Variants in PAN3 observed in about 807,000 individuals in gnomAD.
The protein encoded by PAN3 is poly(A) specific ribonuclease subunit PAN3.
In PAN3, 19 loss-of-function variants were observed where a neutral mutation model predicts 96.2. The observed-to-expected ratio is 0.20, with a 90% CI of 0.14 to 0.29. PAN3 has a LOEUF of 0.29. Ranked by LOEUF, PAN3 falls within the 10% of genes least tolerant of loss-of-function variation. The probability of loss-of-function intolerance (pLI) is 1.00; values close to 1 mark genes in which losing one functional copy is unlikely to be tolerated. For synonymous variants in PAN3, 433 were observed against 406.6 expected (o/e 1.06, Z -0.78); for missense variants, 882 against 1,108.1 (o/e 0.80, Z 2.90).
intron 1 of PAN3, among the ~76,000 whole-genome samples, chr13:28,162,171 C>T (rs944591411): frequency 6.6e-6 from 1 of 152,180 alleles, no homozygotes; most frequent in Admixed American, 6.5e-5. Flanking sequence ...GAGGAAGAAA[C>T]TGAGACTTAA....
chr13:28,198,532 G>GA (rs1399788482), intron 5 of PAN3, among the ~76,000 whole-genome samples: 4 of 152,072 alleles, frequency 2.6e-5, no homozygotes, highest in Non-Finnish European at 5.9e-5. Context: ...TAATGCAAAT[G>GA]AAAATTTATG....
At position 28,267,285 on chromosome 13, in the gene PAN3, G is replaced by A; in HGVS notation, c.1691-15G>A. Reference sequence around the variant, plus strand: ...AGCCAGCTTTCAGTAATGAGTGTTTGTGTTTTATTTTAAGCTCTTGTGTTT... The same window carrying A: ...AGCCAGCTTTCAGTAATGAGTGTTTATGTTTTATTTTAAGCTCTTGTGTTT... On this transcript the variant is annotated splice_polypyrimidine_tract_variant and intron_variant, in intron 11 of 18. Coordinates refer to ENST00000380958, the MANE Select transcript of PAN3 (RefSeq NM_175854.8). The A allele has an allele frequency of 5.0e-6, 8 of 1,613,006 alleles. No homozygotes were observed. Among genetic ancestry groups the A allele is most frequent in the Non-Finnish European group, 6.8e-6 (8 of 1,179,112 alleles).
Position 28,174,363 on chromosome 13 carries a change from C to G in PAN3, c.522C>G (p.Ser174Arg). The G allele has an allele frequency of 1.2e-6, 2 of 1,613,168 alleles. No individual in the cohort carries two copies. Among genetic ancestry groups the G allele is most frequent in the Non-Finnish European group, 1.7e-6 (2 of 1,179,306 alleles). ...TSFIGVNGFG[S>R]PVETKYPLMQ... is the part of the protein sequence containing the mutation. Reference sequence around the variant, plus strand: ...TTATTGGAGTCAATGGATTTGGAAGCCCTGTAGAAACAAAATATCCCCTGA... The same window carrying G: ...TTATTGGAGTCAATGGATTTGGAAGGCCTGTAGAAACAAAATATCCCCTGA... Residue 174 changes from serine (S) to arginine (R), a missense_variant, in exon 2 of 19, where the codon AGC (serine) becomes AGG (arginine). Around this residue, in one of 3 missense-constraint regions of PAN3, gnomAD observed 442 missense variants for 422.8 expected, o/e 1.05. Coordinates refer to ENST00000380958, the MANE Select transcript of PAN3 (RefSeq NM_175854.8).
At chr13:28,245,240 C>G (rs577690116) in intron 6 of PAN3, among the ~76,000 whole-genome samples, 111 of 152,298 alleles carry the variant, frequency 7.3e-4, no homozygotes, top group African/African-American at 2.6e-3. Flanking sequence ...ATCTTTATAA[C>G]AAATGAGTGT....
At chr13:28,267,525 A>G (rs760290462) in intron 12 of PAN3, 124 bp downstream of exon 12, 2 of 765,598 alleles carry the variant, frequency 2.6e-6, no homozygotes, top group African/African-American at 1.8e-5. Flanking sequence ...ACTCTATTAC[A>G]TTTTGTACTA....
intron 1 of PAN3, among the ~76,000 whole-genome samples, chr13:28,162,011 A>G (rs1311696057): frequency 6.6e-6 from 1 of 152,262 alleles, no homozygotes; most frequent in Non-Finnish European, 1.5e-5. Flanking sequence ...ACACTCTATT[A>G]CAAAGAGCAT....
chr13:28,151,799 A>G (rs375573147), intron 1 of PAN3, among the ~76,000 whole-genome samples: 4 of 152,300 alleles, frequency 2.6e-5, no homozygotes, highest in African/African-American at 9.6e-5. Context: ...CAGAGCAAAT[A>G]TGGGAGAGCA....
chr13:28,145,032 T>C (rs1303237123), intron 1 of PAN3, among the ~76,000 whole-genome samples: 1 of 152,166 alleles, frequency 6.6e-6, no homozygotes, highest in African/African-American at 2.4e-5. Context: ...ATCATCCTTT[T>C]ATATGCCATT....
chr13:28,185,583 C>G (rs887179777), intron 4 of PAN3, among the ~76,000 whole-genome samples: 2 of 151,916 alleles, frequency 1.3e-5, no homozygotes, highest in Admixed American at 6.6e-5. Context: ...TTAAAAAGAG[C>G]TCTCATGAGT....
In PAN3 at chr13:28,276,664, G is replaced by T. The variant is rs1015333323; in HGVS notation, c.2050-573G>T. Among the ~76,000 whole-genome samples the T allele has an allele frequency of 2.0e-4, 31 of 152,246 alleles. 1 individual carries two copies. The highest frequency in any genetic ancestry group is 1.6e-3 in the Admixed American group (25 of 15,288). ...GATAGATGGGATGTCATTCATTGAG[G>T]TTTGCAGCATTTTTGATGTTCTAGA... On this transcript the variant is annotated intron_variant, in intron 14 of 18. Coordinates refer to ENST00000380958, the MANE Select transcript of PAN3 (RefSeq NM_175854.8).
At chr13:28,208,505 A>G (rs1430961559) in intron 5 of PAN3, among the ~76,000 whole-genome samples, 1 of 152,178 alleles carries the variant, frequency 6.6e-6, no homozygotes, top group Non-Finnish European at 1.5e-5. Flanking sequence ...TATCCAAGAT[A>G]CTTGAGACTA....
intron 4 of PAN3, among the ~76,000 whole-genome samples, chr13:28,185,635 A>G (rs182216261): frequency 6.6e-6 from 1 of 152,116 alleles, no homozygotes; most frequent in East Asian, 1.9e-4. Flanking sequence ...GTGTGGTAGT[A>G]TGGTGTTTGA....
intron 1 of PAN3, among the ~76,000 whole-genome samples, chr13:28,141,468 T>TC (rs903808484): frequency 3.9e-5 from 5 of 127,790 alleles, no homozygotes; most frequent in South Asian, 2.4e-4. Context: ...TTTTCTTTTT[T>TC]TTTTTTTTTT....
intron 14 of PAN3, among the ~76,000 whole-genome samples, chr13:28,272,679 C>T (rs1442065642): frequency 6.6e-6 from 1 of 151,940 alleles, no homozygotes; most frequent in East Asian, 1.9e-4. Context: ...AAGCGATTCT[C>T]CTGCCTCAGC....
chr13:28,235,076 C>T (rs752422498), intron 6 of PAN3, among the ~76,000 whole-genome samples: 1 of 152,170 alleles, frequency 6.6e-6, no homozygotes, highest in Admixed American at 6.5e-5. Flanking sequence ...ATAATCTCAC[C>T]TGTCATTCTT....
At chr13:28,258,299 A>C (rs574266194) in intron 7 of PAN3, among the ~76,000 whole-genome samples, 2 of 152,326 alleles carry the variant, frequency 1.3e-5, no homozygotes, top group African/African-American at 4.8e-5. Flanking sequence ...AAAGAGAAAA[A>C]AGGTTTCATT....
chr13:28,225,857 G>A (rs561410420), intron 6 of PAN3, among the ~76,000 whole-genome samples: 7 of 152,224 alleles, frequency 4.6e-5, no homozygotes, highest in Admixed American at 2.6e-4. Context: ...ACAAGGTGGC[G>A]TCAGGCAACC....
At chr13:28,161,671 G>A (rs1872900302) in intron 1 of PAN3, among the ~76,000 whole-genome samples, 2 of 152,248 alleles carry the variant, frequency 1.3e-5, no homozygotes, top group African/African-American at 2.4e-5. Flanking sequence ...ATGGAGCTTC[G>A]GAGTTAGGTA....
intron 5 of PAN3, chr13:28,214,966 G>A (rs1407330003): frequency 7.3e-7 from 1 of 1,371,674 alleles, no homozygotes; most frequent in Non-Finnish European, 1.0e-6. Flanking sequence ...CTAATTGTTG[G>A]TGTTAACAAA....
Sources: gnomAD v4.1 joint callset for allele counts (sites outside exome capture counted in the v4.1 genomes callset) on GRCh38, gnomAD v4.1.1 for gene constraint, gnomAD v4.1.1 regional missense constraint, MANE v1.5 for transcripts, NCBI Gene and HGNC (gene_info 2026-07-23, HGNC 2026-07-21) for gene names.